NXPH1: variants seen among roughly 807,000 people sequenced by gnomAD.
NXPH1 encodes neurexophilin 1.
Under a neutral mutation model 23.7 loss-of-function variants are expected in NXPH1, and 5 were observed. The ratio of observed to expected loss-of-function variants is 0.21; its 90% CI spans 0.11 to 0.44. The LOEUF (loss-of-function observed/expected upper bound fraction) is 0.44. Ranked by LOEUF, NXPH1 falls within the 20% of genes least tolerant of loss-of-function variation. The pLI, the probability that NXPH1 is intolerant of heterozygous loss-of-function variation, is 0.99. For missense variants in NXPH1, 324 were observed against 321.6 expected, an observed-to-expected ratio of 1.01 and a Z score of -0.06; for synonymous variants, 144 against 122.2, an observed-to-expected ratio of 1.18 and a Z score of -1.18.
chr7:8,571,039 AT>A (rs1432182967), intron 2 of NXPH1, among the ~76,000 whole-genome samples: 10 of 135,692 alleles, frequency 7.4e-5, no homozygotes, highest in Admixed American at 3.6e-4. Context: ...ATCTAATCTA[AT>A]CTAATCTAAT....
chr7:8,729,887 G>T lies in NXPH1; in HGVS notation c.55-21121G>T, dbSNP rs1282697796. Among the ~76,000 whole-genome samples, 156 of 148,028 alleles carry T rather than the reference G, an allele frequency of 1.1e-3. 1 individual carries two copies. Among genetic ancestry groups the T allele is most frequent in the Admixed American group, 1.2e-3 (18 of 14,876 alleles). On this transcript the variant is annotated intron_variant, in intron 2 of 2. Coordinates refer to ENST00000405863, the MANE Select transcript of NXPH1 (RefSeq NM_152745.3). Reference sequence around the variant, plus strand: ...GGTGCAGAGCTGAGTTCAATTCCTGGGTATCCTTGTTGACTTTCTGTCTCG... The same window carrying T: ...GGTGCAGAGCTGAGTTCAATTCCTGTGTATCCTTGTTGACTTTCTGTCTCG...
intron 2 of NXPH1, among the ~76,000 whole-genome samples, chr7:8,678,963 T>G (rs1821006792): frequency 1.1e-5 from 1 of 91,630 alleles, no homozygotes; most frequent in Non-Finnish European, 2.3e-5. Context: ...TTTTTTTTTT[T>G]GTTGAGACGG....
At chr7:8,593,344 T>C (rs10226307) in intron 2 of NXPH1, among the ~76,000 whole-genome samples, 46,347 of 151,616 alleles carry the variant, frequency 0.31, 8,301 homozygotes, top group African/African-American at 0.49. Flanking sequence ...CTAATTTAGC[T>C]TTTTAAAGCA....
chr7:8,660,951 C>A (rs1224378403), intron 2 of NXPH1, among the ~76,000 whole-genome samples: 1 of 141,848 alleles, frequency 7.0e-6, no homozygotes, highest in Non-Finnish European at 1.5e-5. Flanking sequence ...ATTTTTATAT[C>A]ATTCCTTTTT....
intron 2 of NXPH1, among the ~76,000 whole-genome samples, chr7:8,652,710 A>G (rs981599343): frequency 6.6e-6 from 1 of 151,878 alleles, no homozygotes; most frequent in Non-Finnish European, 1.5e-5. Flanking sequence ...TAACCGAGGT[A>G]TTTTTCCTCA....
At chr7:8,475,447 A>C (rs1816953649) in intron 2 of NXPH1, among the ~76,000 whole-genome samples, 1 of 152,170 alleles carries the variant, frequency 6.6e-6, no homozygotes, top group Admixed American at 6.5e-5. Context: ...CTTGATTTAC[A>C]GTTGAATAAT....
At chr7:8,653,774 A>G (rs952383597) in intron 2 of NXPH1, among the ~76,000 whole-genome samples, 1 of 152,182 alleles carries the variant, frequency 6.6e-6, no homozygotes, top group Non-Finnish European at 1.5e-5. Context: ...TGATAGGAGA[A>G]CTTTTCAGAG....
chr7:8,627,383 A>G (rs1486703775), intron 2 of NXPH1, among the ~76,000 whole-genome samples: 1 of 152,174 alleles, frequency 6.6e-6, no homozygotes, highest in Non-Finnish European at 1.5e-5. Flanking sequence ...TAGGTAATGA[A>G]ATAAGCCTCT....
intron 2 of NXPH1, among the ~76,000 whole-genome samples, chr7:8,636,798 C>T (rs1820224377): frequency 6.6e-6 from 1 of 152,224 alleles, no homozygotes; most frequent in Admixed American, 6.5e-5. Flanking sequence ...TGAGCTACAT[C>T]ATTCATATTC....
At chr7:8,719,269 A>G (rs1032769390) in intron 2 of NXPH1, among the ~76,000 whole-genome samples, 1 of 152,202 alleles carries the variant, frequency 6.6e-6, no homozygotes, top group African/African-American at 2.4e-5. Context: ...GTCATGGCCT[A>G]CTTGGCCTAG....
At chr7:8,715,348 A>T (rs538606097) in intron 2 of NXPH1, among the ~76,000 whole-genome samples, 6 of 152,284 alleles carry the variant, frequency 3.9e-5, no homozygotes, top group Non-Finnish European at 8.8e-5. Context: ...TGTCTTTCTT[A>T]TTCTCTTCAG....
At chr7:8,476,401 T>G (rs895347238) in intron 2 of NXPH1, among the ~76,000 whole-genome samples, 3 of 152,118 alleles carry the variant, frequency 2.0e-5, no homozygotes, top group Non-Finnish European at 4.4e-5. Context: ...AGCACACACA[T>G]GCCTTTTGAG....
chr7:8,479,977 T>TAA (rs1817045699), intron 2 of NXPH1, among the ~76,000 whole-genome samples: 1 of 152,030 alleles, frequency 6.6e-6, no homozygotes, highest in African/African-American at 2.4e-5. Flanking sequence ...TCCAATAAGA[T>TAA]AAAAAATAAT....
chr7:8,686,654 C>G (rs1303605726), intron 2 of NXPH1, among the ~76,000 whole-genome samples: 1 of 152,084 alleles, frequency 6.6e-6, no homozygotes, highest in Non-Finnish European at 1.5e-5. Context: ...CACAAATGTG[C>G]TAAAGACAAA....
At chr7:8,706,919 G>C (rs892644550) in intron 2 of NXPH1, among the ~76,000 whole-genome samples, 1 of 152,090 alleles carries the variant, frequency 6.6e-6, no homozygotes, top group Non-Finnish European at 1.5e-5. Context: ...TGAGAAGGGG[G>C]TGAGTGATGA....
chr7:8,578,623 C>A (rs927702956), intron 2 of NXPH1, among the ~76,000 whole-genome samples: 2 of 152,178 alleles, frequency 1.3e-5, no homozygotes, highest in African/African-American at 4.8e-5. Flanking sequence ...GTAACTACTG[C>A]AGGCTGGTCA....
chr7:8,512,107 G>T (rs927438689), intron 2 of NXPH1, among the ~76,000 whole-genome samples: 4 of 152,094 alleles, frequency 2.6e-5, no homozygotes, highest in Admixed American at 6.6e-5. Flanking sequence ...TCTTCTGAAG[G>T]AGATGACAGG....
intron 2 of NXPH1, among the ~76,000 whole-genome samples, chr7:8,667,429 A>G (rs1583221921): frequency 6.8e-6 from 1 of 146,982 alleles, no homozygotes; most frequent in Admixed American, 6.8e-5. Context: ...TTCTGAGAGT[A>G]TCTTTGTCAG....
At chr7:8,543,778 A>C (rs1818154617) in intron 2 of NXPH1, among the ~76,000 whole-genome samples, 1 of 151,670 alleles carries the variant, frequency 6.6e-6, no homozygotes, top group Non-Finnish European at 1.5e-5. Context: ...GACGTAGTAC[A>C]GTTAAACATT....
Sources: gnomAD v4.1 joint callset for allele counts (sites outside exome capture counted in the v4.1 genomes callset) on GRCh38, gnomAD v4.1.1 for gene constraint, MANE v1.5 for transcripts, NCBI Gene and HGNC (gene_info 2026-07-23, HGNC 2026-07-21) for gene names.